CCDC146: variants seen among roughly 807,000 people sequenced by gnomAD.
The protein encoded by CCDC146 is coiled-coil domain containing 146.
Under a neutral mutation model 119.3 loss-of-function variants are expected in CCDC146, and 92 were observed. The observed-to-expected ratio is 0.77, with a 90% CI of 0.65 to 0.92. CCDC146 has a LOEUF of 0.92. Ranked by LOEUF, CCDC146 falls within the 40% of genes least tolerant of loss-of-function variation. The pLI, the probability that CCDC146 is intolerant of heterozygous loss-of-function variation, is 0.00. For missense variants in CCDC146, 1,000 were observed against 1,103.0 expected (o/e 0.91, Z 1.32); for synonymous variants, 372 against 371.8 (o/e 1.00, Z -0.01).
At chr7:77,248,705 G>T (rs190611694) in intron 4 of CCDC146, among the ~76,000 whole-genome samples, 238 of 152,238 alleles carry the variant, frequency 1.6e-3, no homozygotes, top group Non-Finnish European at 2.8e-3. Context: ...CAATAAAACA[G>T]TTCAAAATAC....
intron 2 of CCDC146, among the ~76,000 whole-genome samples, chr7:77,188,428 A>C (rs1367404304): frequency 6.6e-6 from 1 of 152,246 alleles, no homozygotes; most frequent in Non-Finnish European, 1.5e-5. Context: ...TAGTACTCTA[A>C]TGAATTTAAA....
chr7:77,164,200 T>C (rs3114349), intron 1 of CCDC146, among the ~76,000 whole-genome samples: 81,694 of 151,756 alleles, frequency 0.54, 22,329 homozygotes, highest in African/African-American at 0.63. Context: ...AAATAAGATA[T>C]AGCCTAATGT....
intron 16 of CCDC146, chr7:77,287,135 C>A: frequency 1.5e-6 from 1 of 652,146 alleles, no homozygotes; most frequent in Non-Finnish European, 2.6e-6. Context: ...TTTCGAGATT[C>A]CAAAGGCACA....
At chr7:77,238,805 G>T (rs550882299) in intron 3 of CCDC146, among the ~76,000 whole-genome samples, 1 of 152,222 alleles carries the variant, frequency 6.6e-6, no homozygotes, top group East Asian at 1.9e-4. Context: ...CAGTTCCCTG[G>T]CCCCTAATGA....
intron 2 of CCDC146, among the ~76,000 whole-genome samples, chr7:77,185,646 C>T (rs552746891): frequency 3.9e-5 from 6 of 152,254 alleles, no homozygotes; most frequent in East Asian, 3.9e-4. Flanking sequence ...GCCCAGACTG[C>T]GAAGACTACA....
chr7:77,123,258 A>G (rs1294221391), intron 1 of CCDC146, among the ~76,000 whole-genome samples: 2 of 151,440 alleles, frequency 1.3e-5, no homozygotes. Flanking sequence ...AAAAGACACA[A>G]AAAAGAGAGT....
chr7:77,172,575 T>C (rs1001103944), intron 2 of CCDC146, among the ~76,000 whole-genome samples: 1 of 152,206 alleles, frequency 6.6e-6, no homozygotes, highest in Non-Finnish European at 1.5e-5. Flanking sequence ...CTGAAGAGTG[T>C]GTTCAGTATG....
At chr7:77,288,084 CT>C (rs1436926763) in intron 17 of CCDC146, among the ~76,000 whole-genome samples, 1 of 152,170 alleles carries the variant, frequency 6.6e-6, no homozygotes, top group African/African-American at 2.4e-5. Flanking sequence ...ACAGAACCCC[CT>C]AATTTAATAA....
At chr7:77,282,442 C>T in intron 14 of CCDC146, 115 bp from the exon 15 acceptor site, 1 of 667,364 alleles carries the variant, frequency 1.5e-6, no homozygotes, top group South Asian at 2.0e-5. Flanking sequence ...CTGTGATCCT[C>T]TGGAAGTATG....
chr7:77,164,260 A>G (rs1791309718), intron 1 of CCDC146, among the ~76,000 whole-genome samples: 1 of 152,166 alleles, frequency 6.6e-6, no homozygotes, highest in Non-Finnish European at 1.5e-5. Context: ...AATATCCATG[A>G]AAGGATTGAG....
Position 77,210,343 on chromosome 7 carries a change from C to T in CCDC146, c.157-26604C>T, listed in dbSNP as rs186705899. Among the ~76,000 whole-genome samples, 30 of 152,324 alleles carry T rather than the reference C, an allele frequency of 2.0e-4. No individual in the cohort carries two copies. The East Asian group carries it at 5.2e-3, about 26-fold the overall frequency. On this transcript the variant is annotated intron_variant, in intron 2 of 18. Transcript: ENST00000285871. Reference sequence around the variant, plus strand: ...TCCACAGATCCCTAGAGCAGGGGCACAATGCCACCAGTCTCTTTGCTAAAC... The same window carrying T: ...TCCACAGATCCCTAGAGCAGGGGCATAATGCCACCAGTCTCTTTGCTAAAC...
intron 11 of CCDC146, among the ~76,000 whole-genome samples, chr7:77,276,965 A>G (rs1793658815): frequency 6.6e-6 from 1 of 152,116 alleles, no homozygotes; most frequent in Non-Finnish European, 1.5e-5. Context: ...CCGGCTACTC[A>G]GGAGGCAGAG....
chr7:77,136,064 A>G (rs1790856275), intron 1 of CCDC146, among the ~76,000 whole-genome samples: 1 of 152,196 alleles, frequency 6.6e-6, no homozygotes, highest in South Asian at 2.1e-4. Flanking sequence ...TCTCAAAAAC[A>G]ACAACAACAA....
chr7:77,259,966 G>A (rs1196142874), intron 7 of CCDC146, 43 bp from the exon 8 acceptor site: 1 of 482,870 alleles, frequency 2.1e-6, no homozygotes. Flanking sequence ...GTGTGTGTGT[G>A]TGTGTGTGTG....
chr7:77,253,233 C>T (rs535549292), intron 4 of CCDC146, among the ~76,000 whole-genome samples: 1 of 152,370 alleles, frequency 6.6e-6, no homozygotes, highest in East Asian at 1.9e-4. Context: ...CTGCCCTTCA[C>T]CTGAAATATC....
intron 17 of CCDC146, among the ~76,000 whole-genome samples, chr7:77,288,672 G>T (rs1057514566): frequency 7.9e-5 from 12 of 152,224 alleles, no homozygotes; most frequent in African/African-American, 2.9e-4. Context: ...CCTGCTATGT[G>T]CTACTCTCAT....
chr7:77,134,171 T>A (rs1474317170), intron 1 of CCDC146, among the ~76,000 whole-genome samples: 1 of 150,594 alleles, frequency 6.6e-6, no homozygotes, highest in Non-Finnish European at 1.5e-5. Flanking sequence ...AAAAAAAAAA[T>A]CCTTGTAAAA....
chr7:77,233,380 C>A (rs1205763131), intron 2 of CCDC146, among the ~76,000 whole-genome samples: 5 of 152,170 alleles, frequency 3.3e-5, no homozygotes, highest in Admixed American at 2.0e-4. Flanking sequence ...ACGTGAGCCA[C>A]AGTGCCCGGC....
chr7:77,253,419 G>T (rs923700105), intron 4 of CCDC146, among the ~76,000 whole-genome samples: 1 of 152,208 alleles, frequency 6.6e-6, no homozygotes, highest in East Asian at 1.9e-4. Flanking sequence ...TGTGATTTCT[G>T]TGAGGGTTTT....
Sources: gnomAD v4.1 joint callset for allele counts (sites outside exome capture counted in the v4.1 genomes callset) on GRCh38, gnomAD v4.1.1 for gene constraint, MANE v1.5 for transcripts, NCBI Gene and HGNC (gene_info 2026-07-23, HGNC 2026-07-21) for gene names.